Variants in RSPO2 observed in about 807,000 individuals in gnomAD.
RSPO2 encodes the protein R-spondin-2.
In RSPO2, 14 loss-of-function variants were observed where a neutral mutation model predicts 30.9. The ratio of observed to expected loss-of-function variants is 0.45; its 90% CI spans 0.30 to 0.71. The LOEUF (loss-of-function observed/expected upper bound fraction) is 0.71, where lower values mean the gene tolerates loss of function less well. Ranked by LOEUF, RSPO2 falls within the 30% of genes least tolerant of loss-of-function variation. RSPO2 has a pLI of 0.08. For synonymous variants in RSPO2, 107 were observed against 96.4 expected, an observed-to-expected ratio of 1.11 and a Z score of -0.64; for missense variants, 264 against 301.9, an observed-to-expected ratio of 0.87 and a Z score of 0.93.
At chr8:107,906,664 T>C (rs1421289728) in intron 5 of RSPO2, among the ~76,000 whole-genome samples, 1 of 151,978 alleles carries the variant, frequency 6.6e-6, no homozygotes, top group Non-Finnish European at 1.5e-5. Context: ...TTTTTCCTTC[T>C]AGAAAGCAGT....
Position 108,035,454 on chromosome 8 carries a change from TTTTG to T in RSPO2, c.95-46214_95-46211del, listed in dbSNP as rs550629892. Among the ~76,000 whole-genome samples the T allele has an allele frequency of 4.4e-3, 668 of 152,098 alleles. 6 individuals carry two copies. The highest frequency in any genetic ancestry group is 0.01 in the African/African-American group (432 of 41,492). ...TTCTTTTTTTTGTTTTGTTTTTTTG[TTTTG>T]TTTGTTTGTTTTTGTTTTTGTTTTT... is the stretch of plus-strand genomic sequence containing the variant. On this transcript the variant is annotated intron_variant, in intron 2 of 5. Coordinates refer to ENST00000276659, the MANE Select transcript of RSPO2 (RefSeq NM_178565.5).
At chr8:107,903,287 C>G (rs1811535992) in intron 5 of RSPO2, among the ~76,000 whole-genome samples, 1 of 151,962 alleles carries the variant, frequency 6.6e-6, no homozygotes, top group Non-Finnish European at 1.5e-5. Flanking sequence ...GCTTATCTTA[C>G]TAGATTTTAA....
intron 5 of RSPO2, among the ~76,000 whole-genome samples, chr8:107,939,957 C>T (rs1429139104): frequency 2.6e-5 from 4 of 151,972 alleles, no homozygotes; most frequent in Non-Finnish European, 5.9e-5. Context: ...ATATCTAATA[C>T]CAACAGATCT....
At chr8:107,995,047 G>C (rs1000802190) in intron 2 of RSPO2, among the ~76,000 whole-genome samples, 1 of 151,994 alleles carries the variant, frequency 6.6e-6, no homozygotes, top group African/African-American at 2.4e-5. Flanking sequence ...CTACCAAAGG[G>C]ACCAAACAAG....
intron 3 of RSPO2, among the ~76,000 whole-genome samples, chr8:107,974,868 G>T (rs193226263): frequency 3.6e-5 from 4 of 110,342 alleles, no homozygotes; most frequent in African/African-American, 1.4e-4. Context: ...ACACACACAG[G>T]TTAATCAGTG....
chr8:107,942,060 GA>G (rs1234818195), intron 5 of RSPO2, among the ~76,000 whole-genome samples: 1 of 152,110 alleles, frequency 6.6e-6, no homozygotes. Context: ...TAACTTAAGA[GA>G]ATCAACTGAA....
chr8:107,903,723 A>C (rs1160629265), intron 5 of RSPO2, among the ~76,000 whole-genome samples: 1 of 152,048 alleles, frequency 6.6e-6, no homozygotes. Flanking sequence ...TACAACCCTA[A>C]AGATTTCCCT....
At chr8:107,913,227 C>T (rs1427186711) in intron 5 of RSPO2, among the ~76,000 whole-genome samples, 1 of 152,100 alleles carries the variant, frequency 6.6e-6, no homozygotes, top group Non-Finnish European at 1.5e-5. Context: ...CATTATAAGA[C>T]TTACATAAAT....
chr8:107,945,219 T>C (rs1249481734), intron 5 of RSPO2, among the ~76,000 whole-genome samples: 1 of 150,668 alleles, frequency 6.6e-6, no homozygotes, highest in East Asian at 2.0e-4. Context: ...TTTTGATTTA[T>C]CTCCTGAGTT....
At chr8:107,999,663 G>C (rs1412431584) in intron 2 of RSPO2, among the ~76,000 whole-genome samples, 5 of 152,052 alleles carry the variant, frequency 3.3e-5, no homozygotes, top group Non-Finnish European at 7.4e-5. Flanking sequence ...TCGAACTTCT[G>C]GCCTCAAGTG....
At chr8:108,010,748 C>T (rs1291669741) in intron 2 of RSPO2, among the ~76,000 whole-genome samples, 1 of 152,054 alleles carries the variant, frequency 6.6e-6, no homozygotes, top group African/African-American at 2.4e-5. Flanking sequence ...CTTTCCCTCC[C>T]CTGGCAAACC....
chr8:107,934,369 C>A (rs929000004), intron 5 of RSPO2, among the ~76,000 whole-genome samples: 5 of 88,620 alleles, frequency 5.6e-5, no homozygotes, highest in African/African-American at 2.0e-4. Context: ...CTTCTCATTT[C>A]CCTTTTTTTT....
At position 107,900,050 on chromosome 8, in the gene RSPO2, A is replaced by ATGTT. The variant is rs1169004218; in HGVS notation, c.*1021_*1024dup. The stretch of plus-strand genomic sequence containing the variant: ...GGGAAAAAAATTGCAGTCAGAAATA[A>ATGTT]TGTTTGTTTGGACAATTCTGTAGCT... On this transcript the variant is annotated 3_prime_UTR_variant, in exon 6 of 6. Coordinates refer to ENST00000276659, the MANE Select transcript of RSPO2 (RefSeq NM_178565.5). 8 of 152,218 alleles carry ATGTT rather than the reference A, an allele frequency of 5.3e-5. No homozygotes were observed. Among genetic ancestry groups the ATGTT allele is most frequent in the African/African-American group, 1.2e-4 (5 of 41,446 alleles). The allele number at this position is 152,218 out of a possible 1,614,324, so 9.4% of individuals were successfully genotyped here. A position where few individuals can be genotyped will look rare whatever the true frequency, so the allele number is the denominator to read the frequency against.
chr8:107,979,920 C>T (rs1814364176), intron 3 of RSPO2, among the ~76,000 whole-genome samples: 1 of 152,164 alleles, frequency 6.6e-6, no homozygotes, highest in African/African-American at 2.4e-5. Context: ...CCCCTGGTGA[C>T]ATCAGATGAC....
At chr8:107,960,263 TAAAC>T (rs759654535) in intron 4 of RSPO2, among the ~76,000 whole-genome samples, 3 of 151,972 alleles carry the variant, frequency 2.0e-5, no homozygotes, top group African/African-American at 2.4e-5. Flanking sequence ...TTTTTTTTTT[TAAAC>T]AAACAGCTAA....
chr8:108,004,403 C>T (rs1002059287), intron 2 of RSPO2, among the ~76,000 whole-genome samples: 2 of 152,170 alleles, frequency 1.3e-5, no homozygotes, highest in African/African-American at 4.8e-5. Flanking sequence ...CCTGCCCTGG[C>T]TAAGGGGCCT....
At chr8:107,946,891 G>A (rs1345970105) in intron 5 of RSPO2, among the ~76,000 whole-genome samples, 3 of 152,094 alleles carry the variant, frequency 2.0e-5, no homozygotes, top group African/African-American at 2.4e-5. Context: ...CATCACTGAA[G>A]GTAAAAAATA....
intron 2 of RSPO2, among the ~76,000 whole-genome samples, chr8:108,061,678 A>G (rs1361564628): frequency 1.3e-5 from 2 of 151,936 alleles, no homozygotes; most frequent in African/African-American, 4.9e-5. Flanking sequence ...CTCTGCACCA[A>G]GCGGACCTAA....
chr8:107,973,183 T>C (rs1397837515), intron 3 of RSPO2, among the ~76,000 whole-genome samples: 1 of 150,842 alleles, frequency 6.6e-6, no homozygotes, highest in Non-Finnish European at 1.5e-5. Flanking sequence ...GCCAGGAGTA[T>C]GGCGTGAACC....
Sources: allele counts gnomAD v4.1 joint callset (sites outside exome capture counted in the v4.1 genomes callset), GRCh38; gene constraint gnomAD v4.1.1; transcripts MANE v1.5; gene names NCBI Gene and HGNC (gene_info 2026-07-23, HGNC 2026-07-21).